The following CYFIP2 variants were observed in gnomAD, a reference collection of about 807,000 sequenced individuals.
The protein encoded by CYFIP2 is cytoplasmic FMR1 interacting protein 2, also known as cytoplasmic FMR1-interacting protein 2.
A neutral mutation model predicts 158.7 loss-of-function variants in CYFIP2; 29 were observed. The observed-to-expected ratio is 0.18, with a 90% CI of 0.14 to 0.25. CYFIP2 has a LOEUF of 0.25. Among genes scored for constraint, CYFIP2 ranks in the 10% least tolerant of loss-of-function variants. The probability of loss-of-function intolerance (pLI) is 1.00; values close to 1 mark genes in which losing one functional copy is unlikely to be tolerated. For missense variants in CYFIP2, 852 were observed against 1,639.5 expected (o/e 0.52, Z 8.29); for synonymous variants, 585 against 617.6 (o/e 0.95, Z 0.78).
intron 28 of CYFIP2, chr5:157,384,126 G>A (rs1766403001): frequency 2.7e-6 from 1 of 366,002 alleles, no homozygotes; most frequent in Non-Finnish European, 5.4e-6. Flanking sequence ...TCTAACAAGG[G>A]TGAATGAGCT....
chr5:157,306,650 G>A (rs1408678522), intron 8 of CYFIP2, among the ~76,000 whole-genome samples: 1 of 152,148 alleles, frequency 6.6e-6, no homozygotes, highest in African/African-American at 2.4e-5. Context: ...GGAGGCCAAG[G>A]CAGGGGGATC....
At chr5:157,286,126 T>C (rs1398222028) in intron 2 of CYFIP2, among the ~76,000 whole-genome samples, 1 of 152,182 alleles carries the variant, frequency 6.6e-6, no homozygotes, top group Admixed American at 6.5e-5. Context: ...TAATAAATTC[T>C]TAAATTTCAT....
Position 157,309,751 on chromosome 5 carries a change from G to A in CYFIP2, c.909G>A (p.Gln303=), listed in dbSNP as rs1478801395. The A allele has an allele frequency of 1.2e-6, 2 of 1,604,350 alleles. No individual in the cohort carries two copies. The highest frequency in any genetic ancestry group is 1.1e-5 in the South Asian group (1 of 88,814). Residue 303 remains glutamine (Q), a synonymous_variant, in exon 10 of 31, where the codon CAG becomes CAA. Transcript: ENST00000620254. ...SKIDKFFKQL[Q]VVPLFGDMQI... ...GTTTGCTTCCTTTGCAGCAGCTGCAGGTGGTGCCCCTTTTCGGCGACATGC... is the reference window on the plus strand; with the variant it reads ...GTTTGCTTCCTTTGCAGCAGCTGCAAGTGGTGCCCCTTTTCGGCGACATGC...
intron 17 of CYFIP2, 80 bp from the exon 18 acceptor site, chr5:157,326,091 C>G: frequency 9.2e-7 from 1 of 1,088,734 alleles, no homozygotes; most frequent in East Asian, 2.4e-5. Context: ...GAACTTGTTT[C>G]TATTTCCCAA....
At chr5:157,300,685 G>A in intron 5 of CYFIP2, 30 bp from the exon 6 acceptor site, 1 of 1,513,180 alleles carries the variant, frequency 6.6e-7, no homozygotes, top group South Asian at 1.3e-5. Flanking sequence ...GGAGCACAGT[G>A]GACCTTACTC....
intron 13 of CYFIP2, among the ~76,000 whole-genome samples, chr5:157,317,001 C>T (rs1760200135): frequency 6.6e-6 from 1 of 152,138 alleles, no homozygotes; most frequent in Admixed American, 6.5e-5. Context: ...CACCAGAGGA[C>T]AAAGTCATCC....
chr5:157,392,720 G>A (rs778463281), intron 30 of CYFIP2, 113 bp from the exon 31 acceptor site: 11 of 1,192,756 alleles, frequency 9.2e-6, no homozygotes, highest in Non-Finnish European at 1.2e-5. Flanking sequence ...CTTTAAGAAA[G>A]TGACATGATC....
chr5:157,382,434 G>A (rs911157411), intron 26 of CYFIP2, among the ~76,000 whole-genome samples, 156 bp from the exon 27 acceptor site: 2 of 152,216 alleles, frequency 1.3e-5, no homozygotes, highest in South Asian at 2.1e-4. Context: ...AAAAGACTCA[G>A]AGAAGCTAAG....
At chr5:157,268,996 C>CTAGCATA (rs560019749) in intron 1 of CYFIP2, among the ~76,000 whole-genome samples, 179 of 152,280 alleles carry the variant, frequency 1.2e-3, no homozygotes, top group Non-Finnish European at 2.3e-3. Context: ...ATAGTAAGTA[C>CTAGCATA]TAGCATATTT....
chr5:157,393,592 G>A lies in CYFIP2; in HGVS notation c.*592G>A, dbSNP rs140777310. 6.6e-6 allele frequency: 1 copy of A among 150,440 alleles called. No individual in the cohort carries two copies. Among genetic ancestry groups the A allele is most frequent in the African/African-American group, 2.5e-5 (1 of 39,536 alleles). 9.3% of individuals were successfully genotyped at this position (150,440 alleles called of 1,614,324 possible). A position where few individuals can be genotyped will look rare whatever the true frequency, so the allele number is the denominator to read the frequency against. ...ATTCTAACTCCCCTCTCTCAGGGAA[G>A]CCCTAGAGAGAGGTCCAAAAAGCAT... On this transcript the variant is annotated 3_prime_UTR_variant, in exon 31 of 31. Transcript: ENST00000620254.
intron 26 of CYFIP2, among the ~76,000 whole-genome samples, chr5:157,381,942 G>A (rs1216117635): frequency 1.3e-5 from 2 of 150,936 alleles, no homozygotes; most frequent in African/African-American, 2.4e-5. Flanking sequence ...GGGATTGTGA[G>A]CATGTCCCAG....
chr5:157,380,641 C>G (rs372245236), intron 26 of CYFIP2, among the ~76,000 whole-genome samples: 12 of 152,160 alleles, frequency 7.9e-5, no homozygotes, highest in African/African-American at 2.9e-4. Context: ...TTCATGAATA[C>G]AGAGCAAAAA....
At chr5:157,389,660 TGAG>T (rs1290918490) in intron 29 of CYFIP2, 1 of 468,170 alleles carries the variant, frequency 2.1e-6, no homozygotes. Flanking sequence ...TACTGGAAAA[TGAG>T]GAGCCTTTAG....
chr5:157,373,343 G>A (rs1765167157), intron 26 of CYFIP2, among the ~76,000 whole-genome samples: 3 of 152,116 alleles, frequency 2.0e-5, no homozygotes, highest in South Asian at 2.1e-4. Context: ...TGACATTTAC[G>A]ACCTTGGCCT....
At chr5:157,346,447 G>T (rs529188979) in intron 23 of CYFIP2, among the ~76,000 whole-genome samples, 68 of 152,260 alleles carry the variant, frequency 4.5e-4, no homozygotes, top group Admixed American at 3.2e-3. Context: ...TAATGTCTTT[G>T]TAAGAGAAAA....
At chr5:157,294,747 T>A in intron 3 of CYFIP2, 36 bp from the exon 4 acceptor site, 2 of 1,601,996 alleles carry the variant, frequency 1.2e-6, no homozygotes, top group Non-Finnish European at 1.7e-6. Context: ...GGCACCCGTC[T>A]TGTTCCTCCC....
In CYFIP2 at chr5:157,389,296, C is replaced by T. The variant is rs745826709; in HGVS notation, c.3315C>T (p.Asp1105=). The change falls in exon 29 of 31, where the codon GAC becomes GAT. Residue 1105 remains aspartate, a synonymous_variant. Coordinates refer to ENST00000620254, the MANE Select transcript of CYFIP2 (RefSeq NM_001037333.3). ...ILTRIRSYLQ[D]PIWRGPPPTN... ...CCCGCATTCGGAGCTACCTGCAGGA[C>T]CCCATCTGGCGGGGCCCACCGCCCA... is the stretch of plus-strand genomic sequence containing the variant. 5 of 1,613,904 alleles carry T rather than the reference C, an allele frequency of 3.1e-6. No homozygotes were observed. The highest frequency in any genetic ancestry group is 4.2e-6 in the Non-Finnish European group (5 of 1,179,902).
chr5:157,303,451 T>G (rs1036510595), intron 7 of CYFIP2, among the ~76,000 whole-genome samples: 2 of 152,164 alleles, frequency 1.3e-5, no homozygotes, highest in Non-Finnish European at 1.5e-5. Flanking sequence ...TTGCCCAACA[T>G]AAGCAAGACA....
At chr5:157,310,683 G>A (rs969402336) in intron 10 of CYFIP2, among the ~76,000 whole-genome samples, 2 of 152,198 alleles carry the variant, frequency 1.3e-5, no homozygotes, top group African/African-American at 4.8e-5. Context: ...GGCTGGGAGC[G>A]GAGGCTAGGG....
Sources: allele counts gnomAD v4.1 joint callset (sites outside exome capture counted in the v4.1 genomes callset), GRCh38; gene constraint gnomAD v4.1.1; transcripts MANE v1.5; gene names NCBI Gene and HGNC (gene_info 2026-07-23, HGNC 2026-07-21).